Variants in BTBD8 observed in about 807,000 individuals in gnomAD.
BTBD8 encodes the protein BTB domain containing 8, also known as BTB/POZ domain-containing protein 8.
Under a neutral mutation model 162.9 loss-of-function variants are expected in BTBD8, and 110 were observed. The observed-to-expected ratio is 0.68, with a 90% CI of 0.58 to 0.79. The LOEUF (loss-of-function observed/expected upper bound fraction) is 0.79. Among genes scored for constraint, BTBD8 ranks in the 30% least tolerant of loss-of-function variants. The probability of loss-of-function intolerance (pLI) is 0.00; values close to 1 mark genes in which losing one functional copy is unlikely to be tolerated. For missense variants in BTBD8, 1,905 were observed against 2,085.4 expected, an observed-to-expected ratio of 0.91 and a Z score of 1.68; for synonymous variants, 667 against 716.1, an observed-to-expected ratio of 0.93 and a Z score of 1.10.
chr1:92,095,395 G>C (rs1444633934), intron 2 of BTBD8, among the ~76,000 whole-genome samples: 1 of 152,176 alleles, frequency 6.6e-6, no homozygotes, highest in Non-Finnish European at 1.5e-5. Flanking sequence ...CAACCCTGTT[G>C]CTTCCCTGTG....
chr1:92,171,247 A>T (rs1460241090), intron 12 of BTBD8, among the ~76,000 whole-genome samples, 152 bp from the exon 13 acceptor site: 1 of 152,128 alleles, frequency 6.6e-6, no homozygotes, highest in African/African-American at 2.4e-5. Context: ...AAAATATAAT[A>T]GGGAGTTGTT....
intron 7 of BTBD8, among the ~76,000 whole-genome samples, chr1:92,141,620 T>A (rs991593619): frequency 6.6e-6 from 1 of 152,170 alleles, no homozygotes; most frequent in African/African-American, 2.4e-5. Flanking sequence ...TGGGGTGGAA[T>A]GTAGTTCTCT....
Position 92,184,073 on chromosome 1 carries a change from C to G in BTBD8, c.5122C>G (p.Gln1708Glu). ...WTLLKQLLSEQDSNLDVTNSV... is the reference protein window; with the variant it reads ...WTLLKQLLSEEDSNLDVTNSV... ...ACTACTAAAGCAACTGCTCTCTGAACAGGATTCAAACTTAGATGTTACAAA... is the reference window on the plus strand; with the variant it reads ...ACTACTAAAGCAACTGCTCTCTGAAGAGGATTCAAACTTAGATGTTACAAA... Residue 1708 changes from glutamine to glutamate, a missense_variant, in exon 18 of 18, where the codon CAG (glutamine) becomes GAG (glutamate). By Grantham distance (29) the Gln-to-Glu change is conservative (BLOSUM62 2). Around this residue, in one of 3 missense-constraint regions of BTBD8, gnomAD observed 517 missense variants for 606.6 expected, o/e 0.85. Coordinates refer to ENST00000636805, the MANE Select transcript of BTBD8 (RefSeq NM_001376131.1). The G allele has an allele frequency of 6.4e-7, 1 of 1,551,644 alleles. No individual in the cohort carries two copies. The highest frequency in any genetic ancestry group is 8.7e-7 in the Non-Finnish European group (1 of 1,146,874).
intron 5 of BTBD8, among the ~76,000 whole-genome samples, chr1:92,135,677 G>A (rs186396459): frequency 1.3e-5 from 2 of 152,142 alleles, no homozygotes; most frequent in East Asian, 3.9e-4. Flanking sequence ...TAATGAGAAT[G>A]CAGCTTAGTA....
intron 4 of BTBD8, among the ~76,000 whole-genome samples, chr1:92,114,004 T>G (rs1383173024): frequency 9.5e-6 from 1 of 105,528 alleles, no homozygotes. Context: ...AGAGTGAGAC[T>G]CCGTCTCAAA....
intron 1 of BTBD8, among the ~76,000 whole-genome samples, chr1:92,086,369 T>A (rs528943054): frequency 6.6e-6 from 1 of 152,280 alleles, no homozygotes; most frequent in African/African-American, 2.4e-5. Context: ...ATGTCAGACG[T>A]GCAAGCCCTG....
intron 4 of BTBD8, among the ~76,000 whole-genome samples, chr1:92,108,970 T>C (rs557134419): frequency 6.6e-6 from 1 of 152,314 alleles, no homozygotes; most frequent in African/African-American, 2.4e-5. Flanking sequence ...GTAGTAATAT[T>C]TGTACTCTTA....
Position 92,178,515 on chromosome 1 carries a change from C to T in BTBD8, c.2581+64C>T, listed in dbSNP as rs372150990. On this transcript the variant is annotated intron_variant, in intron 16 of 17. Transcript: ENST00000636805. ...CCTTGTGTAAACTGGATAAGCCAAA[C>T]TCTGATTTGCAACTTCAGTAGCAAA... 24 of 1,339,778 alleles carry T rather than the reference C, an allele frequency of 1.8e-5. No homozygotes were observed. In the South Asian group the frequency reaches 3.6e-4, roughly 20 times the overall value. 83.0% of individuals were successfully genotyped at this position (1,339,778 alleles called of 1,614,324 possible). A position where few individuals can be genotyped will look rare whatever the true frequency, so the allele number is the denominator to read the frequency against.
At chr1:92,082,446 T>C (rs1648043440) in intron 1 of BTBD8, among the ~76,000 whole-genome samples, 1 of 152,188 alleles carries the variant, frequency 6.6e-6, no homozygotes, top group African/African-American at 2.4e-5. Context: ...AATGGCTAAA[T>C]AAAAGTGATA....
chr1:92,161,985 A>G (rs1650283633), intron 9 of BTBD8, among the ~76,000 whole-genome samples: 1 of 150,442 alleles, frequency 6.6e-6, no homozygotes, highest in Non-Finnish European at 1.5e-5. Flanking sequence ...TTCCTCACCC[A>G]CCCACCCCCT....
chr1:92,166,949 A>T lies in BTBD8; in HGVS notation c.1123-9A>T. 1.3e-6 allele frequency: 2 copies of T among 1,519,040 alleles called. No homozygotes were observed. The highest frequency in any genetic ancestry group is 2.2e-5 in the Admixed American group (1 of 44,456). 94.1% of individuals were successfully genotyped at this position (1,519,040 alleles called of 1,614,324 possible). Reference sequence around the variant, plus strand: ...GCATCTAACTTTCCAATTTTTTTTTAAATCTAAGAATGATAAGAATGCTGC... The same window carrying T: ...GCATCTAACTTTCCAATTTTTTTTTTAATCTAAGAATGATAAGAATGCTGC... On this transcript the variant is annotated splice_polypyrimidine_tract_variant and intron_variant, in intron 9 of 17. Transcript: ENST00000636805.
Position 92,178,470 on chromosome 1 carries a change from T to C in BTBD8, c.2581+19T>C, listed in dbSNP as rs1650787719. ...ACTCAAGGTAAAGCTGAAATAGTAC[T>C]GGATATCTTGAAATTATTTCCTTGT... On this transcript the variant is annotated intron_variant, in intron 16 of 17. Transcript: ENST00000636805. The C allele has an allele frequency of 1.3e-6, 2 of 1,529,364 alleles. No individual in the cohort carries two copies. The highest frequency in any genetic ancestry group is 1.8e-6 in the Non-Finnish European group (2 of 1,136,118). The allele number at this position is 1,529,364 out of a possible 1,614,324, so 94.7% of individuals were successfully genotyped here.
rs771535564 is a variant in BTBD8, at chr1:92,112,623, G to T, written c.662+4622G>T. ...TTTTCAATTAACTAAACAACTATTA[G>T]TCCAAATTTTGTCGGATAATAGAGT... On this transcript the variant is annotated intron_variant, in intron 4 of 17. Transcript: ENST00000636805. 3.9e-5 allele frequency among the ~76,000 whole-genome samples: 6 copies of T among 152,074 alleles called. No individual in the cohort carries two copies. In the South Asian group the frequency reaches 1.0e-3, roughly 26 times the overall value.
chr1:92,114,758 C>T, intron 4 of BTBD8: 1 of 204,996 alleles, frequency 4.9e-6, no homozygotes, highest in African/African-American at 2.4e-5. Flanking sequence ...GAACACTTCT[C>T]TCTTCCTCTC....
At chr1:92,133,527 C>G (rs1212242883) in intron 5 of BTBD8, among the ~76,000 whole-genome samples, 4 of 152,210 alleles carry the variant, frequency 2.6e-5, no homozygotes, top group Non-Finnish European at 5.9e-5. Context: ...TGTTTTCCAT[C>G]AATAGATTCG....
At chr1:92,104,824 T>G (rs1648682232) in intron 3 of BTBD8, among the ~76,000 whole-genome samples, 1 of 152,200 alleles carries the variant, frequency 6.6e-6, no homozygotes, top group African/African-American at 2.4e-5. Context: ...TTCTCAGTCT[T>G]TTTTACTGAT....
rs1315254375 is a variant in BTBD8 at position 92,080,724 on chromosome 1, G to A, written c.149+4G>A. Reference sequence around the variant, plus strand: ...AGCTCAGCCAGGATTTGCTCAGGTAGGAGGAGGCGGGAACTCTGGCTGCTT... The same window carrying A: ...AGCTCAGCCAGGATTTGCTCAGGTAAGAGGAGGCGGGAACTCTGGCTGCTT... On this transcript the variant is annotated splice_donor_region_variant and intron_variant, in intron 1 of 17. Transcript: ENST00000636805. 6.2e-7 allele frequency: 1 copy of A among 1,606,886 alleles called. No individual in the cohort carries two copies. The highest frequency in any genetic ancestry group is 8.5e-7 in the Non-Finnish European group (1 of 1,177,272).
At chr1:92,095,498 A>C (rs529300982) in intron 2 of BTBD8, among the ~76,000 whole-genome samples, 1 of 152,172 alleles carries the variant, frequency 6.6e-6, no homozygotes, top group Admixed American at 6.5e-5. Flanking sequence ...TGGCCTCACT[A>C]TACCTGAATA....
intron 11 of BTBD8, 75 bp downstream of exon 11, chr1:92,168,060 A>C: frequency 1.5e-6 from 2 of 1,360,930 alleles, no homozygotes; most frequent in South Asian, 3.1e-5. Context: ...TGCATTTTAA[A>C]TGTTGCAGGG....
Sources: gnomAD v4.1 joint callset for allele counts (sites outside exome capture counted in the v4.1 genomes callset) on GRCh38, gnomAD v4.1.1 for gene constraint, gnomAD v4.1.1 regional missense constraint, MANE v1.5 for transcripts, NCBI Gene and HGNC (gene_info 2026-07-23, HGNC 2026-07-21) for gene names.